The following DOCK7 variants were observed in gnomAD, a reference collection of about 807,000 sequenced individuals.
DOCK7 encodes the protein dedicator of cytokinesis 7.
A neutral mutation model predicts 271.0 loss-of-function variants in DOCK7; 138 were observed. The ratio of observed to expected loss-of-function variants is 0.51; its 90% CI spans 0.44 to 0.59. The LOEUF (loss-of-function observed/expected upper bound fraction) is 0.59. Ranked by LOEUF, DOCK7 falls within the 20% of genes least tolerant of loss-of-function variation. The pLI is 0.00. For missense variants in DOCK7, 2,066 were observed against 2,592.4 expected (o/e 0.80, Z 4.41); for synonymous variants, 823 against 876.1 (o/e 0.94, Z 1.07).
At chr1:62,595,319 T>A (rs925577012) in intron 14 of DOCK7, among the ~76,000 whole-genome samples, 1 of 152,232 alleles carries the variant, frequency 6.6e-6, no homozygotes, top group East Asian at 1.9e-4. Context: ...GTAGTGTTTA[T>A]GATACATCAG....
At chr1:62,524,145 G>C (rs545818282) in intron 31 of DOCK7, among the ~76,000 whole-genome samples, 1 of 152,070 alleles carries the variant, frequency 6.6e-6, no homozygotes, top group Admixed American at 6.6e-5. Context: ...ACAAGTCTTC[G>C]GGGAAATACA....
chr1:62,460,026 G>A (rs1159836831), intron 48 of DOCK7, among the ~76,000 whole-genome samples: 7 of 150,528 alleles, frequency 4.7e-5, no homozygotes, highest in Admixed American at 6.6e-5. Context: ...CATGAACCTG[G>A]GAGGCGGAGC....
intron 48 of DOCK7, among the ~76,000 whole-genome samples, chr1:62,468,079 G>C (rs1291465964): frequency 2.0e-5 from 3 of 152,130 alleles, no homozygotes; most frequent in Non-Finnish European, 2.9e-5. Flanking sequence ...AAAGCATCAA[G>C]GCCGGGCGCG....
At chr1:62,468,707 C>T (rs1557587866) in intron 48 of DOCK7, among the ~76,000 whole-genome samples, 1 of 152,096 alleles carries the variant, frequency 6.6e-6, no homozygotes, top group African/African-American at 2.4e-5. Context: ...TAAATACATT[C>T]AGCAAAGTTT....
chr1:62,591,410 A>G (rs982300279), intron 14 of DOCK7, among the ~76,000 whole-genome samples: 41 of 152,292 alleles, frequency 2.7e-4, no homozygotes, highest in African/African-American at 9.9e-4. Flanking sequence ...TGGGCTTAAT[A>G]CCTGAGTGAT....
At chr1:62,597,717 C>G (rs139687521) in intron 14 of DOCK7, 1 of 1,613,538 alleles carries the variant, frequency 6.2e-7, no homozygotes, top group Non-Finnish European at 8.5e-7. Flanking sequence ...CAATGGCCTC[C>G]TTCAGTTGGG....
intron 2 of DOCK7, among the ~76,000 whole-genome samples, chr1:62,658,249 T>C (rs565278216): frequency 6.6e-6 from 1 of 151,632 alleles, no homozygotes; most frequent in South Asian, 2.1e-4. Flanking sequence ...AGGTTAGGAG[T>C]TCGAGACCAG....
chr1:62,662,360 C>T (rs759028920), intron 2 of DOCK7, among the ~76,000 whole-genome samples: 2 of 152,154 alleles, frequency 1.3e-5, no homozygotes, highest in African/African-American at 4.8e-5. Flanking sequence ...AATATAAATT[C>T]ATTTATCTTA....
intron 14 of DOCK7, chr1:62,597,416 T>C (rs1409007738): frequency 8.0e-6 from 6 of 750,866 alleles, no homozygotes; most frequent in African/African-American, 5.3e-5. Context: ...GTTACATTCG[T>C]GCAAGTTAAC....
chr1:62,667,781 A>G (rs943697), intron 1 of DOCK7, among the ~76,000 whole-genome samples: 149,966 of 152,320 alleles, frequency 0.98, 73,869 homozygotes, highest in Middle Eastern at 1. Context: ...ACTTTGGGAG[A>G]CTGAGGCAGG....
At position 62,620,757 on chromosome 1, in the gene DOCK7, G is replaced by A. The variant is rs142213923; in HGVS notation, c.1426-764C>T. On this transcript the variant is annotated intron_variant, in intron 12 of 49. Coordinates refer to ENST00000635253, the MANE Select transcript of DOCK7 (RefSeq NM_001367561.1). Reference sequence around the variant, plus strand: ...AAATTAGCCGGGCGGGATGGCAGGCGCCTGCAGTCCCAGCTACTCGGGAGG... The same window carrying A: ...AAATTAGCCGGGCGGGATGGCAGGCACCTGCAGTCCCAGCTACTCGGGAGG... Among the ~76,000 whole-genome samples the A allele has an allele frequency of 5.0e-3, 760 of 151,792 alleles. 3 individuals carry two copies. Among genetic ancestry groups the A allele is most frequent in the Non-Finnish European group, 7.4e-3 (503 of 67,872 alleles).
At chr1:62,510,446 G>T in intron 34 of DOCK7, 131 bp downstream of exon 34, 1 of 528,224 alleles carries the variant, frequency 1.9e-6, no homozygotes. Flanking sequence ...TAAATATTTT[G>T]TTCTCTAAGA....
At chr1:62,505,623 T>G (rs888225750) in intron 36 of DOCK7, 59 bp downstream of exon 36, 7 of 1,540,136 alleles carry the variant, frequency 4.5e-6, no homozygotes, top group Admixed American at 2.1e-5. Flanking sequence ...CAAATGATCT[T>G]AGACAATGTT....
intron 40 of DOCK7, among the ~76,000 whole-genome samples, chr1:62,493,997 A>G (rs895179424): frequency 2.6e-5 from 4 of 152,230 alleles, no homozygotes; most frequent in Non-Finnish European, 5.9e-5. Flanking sequence ...CATAGATGTT[A>G]AAGTATGTAA....
rs140292163 is a variant in DOCK7, at chr1:62,565,561, C to G, written c.2113-3858G>C. Among the ~76,000 whole-genome samples the G allele has an allele frequency of 9.5e-3, 1,452 of 152,218 alleles. 9 individuals carry two copies. Among genetic ancestry groups the G allele is most frequent in the Middle Eastern group, 0.024 (7 of 292 alleles). On this transcript the variant is annotated intron_variant, in intron 18 of 49. Coordinates refer to ENST00000635253, the MANE Select transcript of DOCK7 (RefSeq NM_001367561.1). ...AACTAGGTATTGATGGAACATATCTCAAAATAATAAGAGCTATTTAAGACA... is the reference window on the plus strand; with the variant it reads ...AACTAGGTATTGATGGAACATATCTGAAAATAATAAGAGCTATTTAAGACA...
chr1:62,631,698 G>A (rs1055118231), intron 10 of DOCK7, among the ~76,000 whole-genome samples: 14 of 152,132 alleles, frequency 9.2e-5, no homozygotes, highest in Admixed American at 7.9e-4. Flanking sequence ...TCCAAGTATT[G>A]TTTTAGGAAG....
intron 39 of DOCK7, 42 bp downstream of exon 39, chr1:62,495,535 TACTA>T: frequency 5.5e-6 from 7 of 1,281,376 alleles, no homozygotes; most frequent in Non-Finnish European, 6.3e-6. Flanking sequence ...CTGTATGTCT[TACTA>T]AGTCCCTTAT....
intron 28 of DOCK7, 34 bp downstream of exon 28, chr1:62,537,857 T>G: frequency 6.3e-7 from 1 of 1,579,254 alleles, no homozygotes; most frequent in Non-Finnish European, 8.7e-7. Flanking sequence ...CAAAAGTGAC[T>G]TTAAATATAT....
At chr1:62,455,485 G>C in intron 49 of DOCK7, 29 bp from the exon 50 acceptor site, 1 of 1,608,392 alleles carries the variant, frequency 6.2e-7, no homozygotes, top group Non-Finnish European at 8.5e-7. Context: ...GACATAGTTA[G>C]TTAAAGAGAA....
Sources: allele counts gnomAD v4.1 joint callset (sites outside exome capture counted in the v4.1 genomes callset), GRCh38; gene constraint gnomAD v4.1.1; transcripts MANE v1.5; gene names NCBI Gene and HGNC (gene_info 2026-07-23, HGNC 2026-07-21).